EBF2: variants seen among roughly 807,000 people sequenced by gnomAD.
EBF2 encodes the protein transcription factor COE2.
A neutral mutation model predicts 72.8 loss-of-function variants in EBF2; 21 were observed. The ratio of observed to expected loss-of-function variants is 0.29; its 90% CI spans 0.20 to 0.42. The LOEUF (loss-of-function observed/expected upper bound fraction) is 0.42, where lower values mean the gene tolerates loss of function less well. Ranked by LOEUF, EBF2 falls within the 10% of genes least tolerant of loss-of-function variation. The pLI, the probability that EBF2 is intolerant of heterozygous loss-of-function variation, is 1.00. For missense variants in EBF2, 637 were observed against 731.2 expected (o/e 0.87, Z 1.49); for synonymous variants, 299 against 274.2 (o/e 1.09, Z -0.89).
At chr8:26,003,625 C>T (rs1334675839) in intron 6 of EBF2, among the ~76,000 whole-genome samples, 2 of 152,216 alleles carry the variant, frequency 1.3e-5, no homozygotes, top group South Asian at 4.1e-4. Context: ...CCCTAAGAGG[C>T]AACCTCCACC....
intron 6 of EBF2, among the ~76,000 whole-genome samples, chr8:25,982,414 G>A (rs1338271895): frequency 2.6e-5 from 4 of 152,020 alleles, no homozygotes; most frequent in Admixed American, 6.6e-5. Context: ...CTGTGGCCCC[G>A]CTCCCTCATC....
chr8:25,900,967 AGAACT>A (rs1802941502), intron 7 of EBF2, among the ~76,000 whole-genome samples: 1 of 152,132 alleles, frequency 6.6e-6, no homozygotes, highest in Non-Finnish European at 1.5e-5. Flanking sequence ...GCTAAAAGAG[AGAACT>A]TGCAATATTC....
chr8:25,890,583 TCA>T (rs1334740191), intron 7 of EBF2, among the ~76,000 whole-genome samples: 1 of 152,148 alleles, frequency 6.6e-6, no homozygotes, highest in Non-Finnish European at 1.5e-5. Flanking sequence ...TTTTCTAATC[TCA>T]GTTTTTCTTA....
intron 6 of EBF2, among the ~76,000 whole-genome samples, chr8:26,018,733 G>A (rs144352213): frequency 2.9e-4 from 44 of 151,972 alleles, no homozygotes; most frequent in African/African-American, 9.4e-4. Flanking sequence ...AAAGAGCACC[G>A]TGTGCTGATG....
intron 6 of EBF2, among the ~76,000 whole-genome samples, chr8:25,946,838 C>T (rs1803776307): frequency 6.6e-6 from 1 of 152,170 alleles, no homozygotes; most frequent in Admixed American, 6.5e-5. Context: ...CTATCTGAGG[C>T]TTACAACATG....
chr8:25,965,865 A>G (rs952094830), intron 6 of EBF2, among the ~76,000 whole-genome samples: 1 of 152,198 alleles, frequency 6.6e-6, no homozygotes, highest in Non-Finnish European at 1.5e-5. Flanking sequence ...GAACCCCAAC[A>G]ATGTGTACCT....
chr8:25,901,123 TA>T (rs1207718124), intron 7 of EBF2, among the ~76,000 whole-genome samples: 2 of 152,082 alleles, frequency 1.3e-5, no homozygotes, highest in East Asian at 1.9e-4. Context: ...TATATATCAA[TA>T]AAAAAAATTT....
At chr8:25,870,398 C>T (rs903757924) in intron 10 of EBF2, among the ~76,000 whole-genome samples, 4 of 152,080 alleles carry the variant, frequency 2.6e-5, no homozygotes, top group East Asian at 1.9e-4. Flanking sequence ...AACCCCTCCC[C>T]GACTCCATTT....
intron 6 of EBF2, among the ~76,000 whole-genome samples, chr8:26,000,092 G>A (rs151288134): frequency 2.0e-5 from 3 of 152,152 alleles, no homozygotes; most frequent in Non-Finnish European, 4.4e-5. Flanking sequence ...GATATTTCTG[G>A]AGTCCTAGAA....
intron 2 of EBF2, 142 bp downstream of exon 2, chr8:26,041,953 A>T: frequency 7.9e-7 from 1 of 1,268,266 alleles, no homozygotes; most frequent in Non-Finnish European, 1.1e-6. Flanking sequence ...CGACTGATTT[A>T]GAGGCTGGGG....
intron 5 of EBF2, among the ~76,000 whole-genome samples, chr8:26,037,733 T>A (rs1010044991): frequency 1.3e-5 from 2 of 152,086 alleles, no homozygotes; most frequent in Non-Finnish European, 2.9e-5. Context: ...GGCAGCGACA[T>A]AACAACTAGA....
At chr8:25,932,322 G>A (rs1376428858) in intron 6 of EBF2, among the ~76,000 whole-genome samples, 2 of 151,430 alleles carry the variant, frequency 1.3e-5, no homozygotes, top group Non-Finnish European at 1.5e-5. Context: ...AAGGAAACAG[G>A]TTGAAATTGA....
intron 6 of EBF2, among the ~76,000 whole-genome samples, chr8:25,913,312 G>A (rs1803158032): frequency 6.6e-6 from 1 of 151,994 alleles, no homozygotes; most frequent in Admixed American, 6.6e-5. Context: ...GTGGTGGCAT[G>A]CACCTGTAGT....
At chr8:25,868,842 T>G (rs1232103790) in intron 10 of EBF2, among the ~76,000 whole-genome samples, 2 of 152,224 alleles carry the variant, frequency 1.3e-5, no homozygotes, top group Non-Finnish European at 2.9e-5. Flanking sequence ...TTTTTCCTAA[T>G]TATTTGAGGT....
At chr8:25,986,517 C>A (rs1804459826) in intron 6 of EBF2, among the ~76,000 whole-genome samples, 2 of 152,156 alleles carry the variant, frequency 1.3e-5, no homozygotes, top group Admixed American at 1.3e-4. Flanking sequence ...AATATATACA[C>A]CTTGTTCGAT....
At chr8:26,030,394 G>A (rs933125872) in intron 6 of EBF2, among the ~76,000 whole-genome samples, 2 of 148,548 alleles carry the variant, frequency 1.3e-5, no homozygotes, top group African/African-American at 4.9e-5. Flanking sequence ...CATCATACAG[G>A]AAGGAGAACA....
At chr8:25,906,363 G>A (rs1366693751) in intron 7 of EBF2, among the ~76,000 whole-genome samples, 1 of 152,176 alleles carries the variant, frequency 6.6e-6, no homozygotes, top group Non-Finnish European at 1.5e-5. Context: ...TCTTTGGACT[G>A]AAATTATTTA....
chr8:25,992,626 T>C (rs7008714), intron 6 of EBF2, among the ~76,000 whole-genome samples: 81,546 of 151,956 alleles, frequency 0.54, 23,246 homozygotes, highest in Admixed American at 0.63. Context: ...AGGCCAGGCA[T>C]GGTGGGTGGC....
intron 6 of EBF2, among the ~76,000 whole-genome samples, chr8:25,928,131 TG>T (rs1284491943): frequency 2.0e-5 from 3 of 152,166 alleles, no homozygotes; most frequent in African/African-American, 4.8e-5. Flanking sequence ...AATTAGAATC[TG>T]GTAAGAGTAA....
Sources: allele counts gnomAD v4.1 joint callset (sites outside exome capture counted in the v4.1 genomes callset), GRCh38; gene constraint gnomAD v4.1.1; transcripts MANE v1.5; gene names NCBI Gene and HGNC (gene_info 2026-07-23, HGNC 2026-07-21).